Variants in DPP10 observed in about 807,000 individuals in gnomAD.
The protein encoded by DPP10 is dipeptidyl peptidase like 10, also known as inactive dipeptidyl peptidase 10.
A neutral mutation model predicts 120.9 loss-of-function variants in DPP10; 33 were observed. That is an observed-to-expected ratio of 0.27 (90% CI 0.21 to 0.37). The LOEUF is 0.37. Among genes scored for constraint, DPP10 ranks in the 10% least tolerant of loss-of-function variants. The pLI, the probability that DPP10 is intolerant of heterozygous loss-of-function variation, is 1.00. For synonymous variants in DPP10, 337 were observed against 326.1 expected (o/e 1.03, Z -0.36); for missense variants, 816 against 942.8 (o/e 0.87, Z 1.76).
intron 1 of DPP10, among the ~76,000 whole-genome samples, chr2:114,625,559 A>G (rs1473113274): frequency 6.6e-6 from 1 of 152,018 alleles, no homozygotes; most frequent in Non-Finnish European, 1.5e-5. Context: ...TACTTGGTTG[A>G]GATACAACAG....
intron 1 of DPP10, among the ~76,000 whole-genome samples, chr2:115,007,101 C>A (rs1479511116): frequency 6.6e-6 from 1 of 152,136 alleles, no homozygotes; most frequent in East Asian, 1.9e-4. Flanking sequence ...AACTGAACAA[C>A]CTACTCCTGA....
chr2:115,167,604 CAAAAAAAA>C (rs59031977), intron 1 of DPP10, among the ~76,000 whole-genome samples: 2 of 48,558 alleles, frequency 4.1e-5, no homozygotes, highest in East Asian at 5.2e-4. Context: ...GAGACCGTCT[CAAAAAAAA>C]AAAAAAAAAA....
chr2:115,578,582 T>A (rs1009795933), intron 5 of DPP10, among the ~76,000 whole-genome samples: 3 of 152,166 alleles, frequency 2.0e-5, no homozygotes, highest in African/African-American at 7.2e-5. Flanking sequence ...GTAACATTTA[T>A]CCTGGGGAAA....
At chr2:114,589,990 TA>T (rs926555801) in intron 1 of DPP10, among the ~76,000 whole-genome samples, 2 of 151,834 alleles carry the variant, frequency 1.3e-5, no homozygotes, top group African/African-American at 2.4e-5. Context: ...CCTAATTCTT[TA>T]AAAAAAACTT....
At position 115,206,058 on chromosome 2, in the gene DPP10, G is replaced by C. The variant is rs79008682; in HGVS notation, c.61-103181G>C. On this transcript the variant is annotated intron_variant, in intron 1 of 25. Transcript: ENST00000410059. ...TGAAACTAAAAATGAGTAAGAATCT[G>C]AAAAGAGGAGGAGCAACTTCTCACT... Among the ~76,000 whole-genome samples, 9 of 152,118 alleles carry C rather than the reference G, an allele frequency of 5.9e-5. No homozygotes were observed. The East Asian group carries it at 1.7e-3, about 29-fold the overall frequency.
At chr2:114,664,410 C>T (rs1697734315) in intron 1 of DPP10, among the ~76,000 whole-genome samples, 1 of 151,800 alleles carries the variant, frequency 6.6e-6, no homozygotes, top group African/African-American at 2.4e-5. Flanking sequence ...GGATGGATCA[C>T]CTGAAGTCAG....
chr2:114,468,905 A>G (rs556846863), intron 1 of DPP10, among the ~76,000 whole-genome samples: 15 of 152,338 alleles, frequency 9.8e-5, no homozygotes, highest in African/African-American at 3.1e-4. Context: ...TCCATGATTA[A>G]TGCTATTTCT....
At chr2:114,584,413 A>G (rs919282715) in intron 1 of DPP10, among the ~76,000 whole-genome samples, 1 of 151,974 alleles carries the variant, frequency 6.6e-6, no homozygotes, top group Non-Finnish European at 1.5e-5. Flanking sequence ...TTATTATTAT[A>G]CTTTAAGTTT....
intron 1 of DPP10, among the ~76,000 whole-genome samples, chr2:114,959,311 C>T (rs1698441083): frequency 6.6e-6 from 1 of 152,192 alleles, no homozygotes; most frequent in Non-Finnish European, 1.5e-5. Flanking sequence ...GACATTTCCT[C>T]TGAGTAGAAT....
chr2:114,539,916 A>G (rs991188505), intron 1 of DPP10, among the ~76,000 whole-genome samples: 11 of 152,184 alleles, frequency 7.2e-5, no homozygotes, highest in African/African-American at 2.7e-4. Flanking sequence ...ATTCTTAGCA[A>G]TATTATTATG....
intron 1 of DPP10, among the ~76,000 whole-genome samples, chr2:114,680,823 G>T (rs892931369): frequency 6.6e-6 from 1 of 151,922 alleles, no homozygotes; most frequent in Non-Finnish European, 1.5e-5. Flanking sequence ...CAAGCATGGT[G>T]TCAGGACCTA....
chr2:115,581,073 C>T (rs189787249), intron 5 of DPP10, among the ~76,000 whole-genome samples: 2 of 152,228 alleles, frequency 1.3e-5, no homozygotes, highest in Non-Finnish European at 2.9e-5. Flanking sequence ...ATTCTCCGTA[C>T]GTCTAGTCAG....
At chr2:114,522,489 G>C (rs1018241234) in intron 1 of DPP10, among the ~76,000 whole-genome samples, 4 of 152,134 alleles carry the variant, frequency 2.6e-5, no homozygotes, top group African/African-American at 4.8e-5. Flanking sequence ...TATATACTTA[G>C]AGATAGGACT....
chr2:115,248,777 T>C (rs942302496), intron 1 of DPP10, among the ~76,000 whole-genome samples: 3 of 152,136 alleles, frequency 2.0e-5, no homozygotes, highest in Non-Finnish European at 4.4e-5. Flanking sequence ...TGATAATTCT[T>C]AATACTGCCA....
chr2:114,492,433 G>A (rs1020810469), intron 1 of DPP10, among the ~76,000 whole-genome samples: 1 of 151,796 alleles, frequency 6.6e-6, no homozygotes. Flanking sequence ...AGCAACGGTA[G>A]GAACACACAT....
At chr2:114,734,374 C>G (rs1206488464) in intron 1 of DPP10, among the ~76,000 whole-genome samples, 1 of 152,168 alleles carries the variant, frequency 6.6e-6, no homozygotes, top group Non-Finnish European at 1.5e-5. Flanking sequence ...TTATCTTGAC[C>G]TGAACATTCC....
chr2:115,328,182 T>G (rs919385291), intron 2 of DPP10, among the ~76,000 whole-genome samples: 1 of 151,960 alleles, frequency 6.6e-6, no homozygotes, highest in Non-Finnish European at 1.5e-5. Flanking sequence ...CACTTTAGGG[T>G]AAAAGGAGGA....
intron 1 of DPP10, among the ~76,000 whole-genome samples, chr2:115,183,358 T>C (rs1158350941): frequency 6.6e-6 from 1 of 152,192 alleles, no homozygotes; most frequent in African/African-American, 2.4e-5. Flanking sequence ...ATTTTAAGCA[T>C]TCCTACCTTG....
At chr2:115,813,001 G>C (rs1015088667) in intron 19 of DPP10, among the ~76,000 whole-genome samples, 2 of 111,310 alleles carry the variant, frequency 1.8e-5, no homozygotes, top group African/African-American at 3.6e-5. Flanking sequence ...TTGAGACGGA[G>C]TCTCGCTCTG....
Sources: allele counts gnomAD v4.1 joint callset (sites outside exome capture counted in the v4.1 genomes callset), GRCh38; gene constraint gnomAD v4.1.1; transcripts MANE v1.5; gene names NCBI Gene and HGNC (gene_info 2026-07-23, HGNC 2026-07-21).